The following BMP6 variants were observed in gnomAD, a reference collection of about 807,000 sequenced individuals.
The protein encoded by BMP6 is bone morphogenetic protein 6, also known as VG-1-R.
In BMP6, 17 loss-of-function variants were observed where a neutral mutation model predicts 54.1. The observed-to-expected ratio is 0.31, with a 90% CI of 0.22 to 0.47. The LOEUF is 0.47. BMP6 is among the 20% of genes least tolerant of loss of function. BMP6 has a pLI of 1.00. For synonymous variants in BMP6, 328 were observed against 291.2 expected, an observed-to-expected ratio of 1.13 and a Z score of -1.28; for missense variants, 720 against 690.4, an observed-to-expected ratio of 1.04 and a Z score of -0.48.
At chr6:7,789,298 CTG>C (rs1469272263) in intron 1 of BMP6, among the ~76,000 whole-genome samples, 1 of 152,164 alleles carries the variant, frequency 6.6e-6, no homozygotes, top group Non-Finnish European at 1.5e-5. Context: ...CATATGGAAA[CTG>C]AGGTTCTGGA....
intron 1 of BMP6, among the ~76,000 whole-genome samples, chr6:7,735,557 C>T (rs7760152): frequency 0.024 from 3,606 of 152,186 alleles, 145 homozygotes; most frequent in African/African-American, 0.082. Flanking sequence ...AAGTTAACAA[C>T]GGAGAAGCTG....
intron 1 of BMP6, among the ~76,000 whole-genome samples, chr6:7,798,238 C>T (rs577356365): frequency 6.6e-6 from 1 of 152,332 alleles, no homozygotes; most frequent in South Asian, 2.1e-4. Flanking sequence ...ACAGGGTATA[C>T]CTTTAGGCCA....
intron 4 of BMP6, among the ~76,000 whole-genome samples, chr6:7,863,364 T>C (rs1460613785): frequency 6.6e-6 from 1 of 152,200 alleles, no homozygotes; most frequent in Non-Finnish European, 1.5e-5. Flanking sequence ...CTCTCTCTTT[T>C]TCTGTTTTTC....
chr6:7,838,570 C>T (rs1280753550), intron 1 of BMP6, among the ~76,000 whole-genome samples: 1 of 152,174 alleles, frequency 6.6e-6, no homozygotes, highest in Non-Finnish European at 1.5e-5. Context: ...GAACTGGACT[C>T]CAACATCAGA....
At chr6:7,868,159 G>A (rs1476030296) in intron 4 of BMP6, among the ~76,000 whole-genome samples, 1 of 152,116 alleles carries the variant, frequency 6.6e-6, no homozygotes, top group Non-Finnish European at 1.5e-5. Flanking sequence ...CAAGACAAAG[G>A]CTGAAAAGAG....
At chr6:7,821,168 A>T (rs371158336) in intron 1 of BMP6, among the ~76,000 whole-genome samples, 2 of 152,338 alleles carry the variant, frequency 1.3e-5, no homozygotes, top group South Asian at 2.1e-4. Context: ...CTTGAGCTGA[A>T]TATGACACCA....
chr6:7,767,871 G>T (rs1389999962), intron 1 of BMP6, among the ~76,000 whole-genome samples: 1 of 152,194 alleles, frequency 6.6e-6, no homozygotes, highest in Non-Finnish European at 1.5e-5. Context: ...GGCCTTTGGT[G>T]AAGTGGAGGT....
At position 7,874,938 on chromosome 6, in the gene BMP6, T is replaced by C. The variant is rs555724181; in HGVS notation, c.1205-4136T>C. Among the ~76,000 whole-genome samples, 1,197 of 152,052 alleles carry C rather than the reference T, an allele frequency of 7.9e-3. 18 individuals carry two copies. Among genetic ancestry groups the C allele is most frequent in the African/African-American group, 0.027 (1,125 of 41,466 alleles). On this transcript the variant is annotated intron_variant, in intron 4 of 6. Coordinates refer to ENST00000283147, the MANE Select transcript of BMP6 (RefSeq NM_001718.6). ...AATAGGATATATGGAGATATATATA[T>C]ATATAGGAGGAGATTTATTATGGGA...
chr6:7,857,936 C>A (rs1166307007), intron 2 of BMP6, among the ~76,000 whole-genome samples: 1 of 152,306 alleles, frequency 6.6e-6, no homozygotes, highest in East Asian at 1.9e-4. Flanking sequence ...GCAGCATATT[C>A]TGCTTGGAAG....
intron 1 of BMP6, among the ~76,000 whole-genome samples, chr6:7,730,161 T>C (rs1350283082): frequency 1.3e-5 from 2 of 152,230 alleles, no homozygotes; most frequent in African/African-American, 2.4e-5. Context: ...CCTTATTCCT[T>C]GCTTCTCTGA....
At chr6:7,855,733 T>C (rs1759218925) in intron 2 of BMP6, among the ~76,000 whole-genome samples, 1 of 151,842 alleles carries the variant, frequency 6.6e-6, no homozygotes, top group Non-Finnish European at 1.5e-5. Flanking sequence ...TTTGCCATGT[T>C]GCCCAGTCTG....
At chr6:7,816,805 A>T (rs1048408005) in intron 1 of BMP6, among the ~76,000 whole-genome samples, 17 of 151,268 alleles carry the variant, frequency 1.1e-4, no homozygotes, top group African/African-American at 3.4e-4. Flanking sequence ...ATATTAGATT[A>T]AAAAAAAACA....
At chr6:7,822,566 G>T (rs1463873052) in intron 1 of BMP6, among the ~76,000 whole-genome samples, 1 of 152,056 alleles carries the variant, frequency 6.6e-6, no homozygotes, top group South Asian at 2.1e-4. Context: ...TCTATCCTGG[G>T]AGCGTGTGTA....
chr6:7,777,651 T>C (rs1161624938), intron 1 of BMP6, among the ~76,000 whole-genome samples: 1 of 144,050 alleles, frequency 6.9e-6, no homozygotes, highest in Non-Finnish European at 1.5e-5. Flanking sequence ...ATAAACCAAA[T>C]GAAGACCTCT....
In BMP6 at chr6:7,880,781, G is replaced by A. The variant is rs1176484422; in HGVS notation, c.*438G>A. The A allele has an allele frequency of 1.5e-5, 3 of 194,182 alleles. No homozygotes were observed. Among genetic ancestry groups the A allele is most frequent in the Non-Finnish European group, 3.2e-5 (3 of 92,504 alleles). The allele number at this position is 194,182 out of a possible 1,614,324, so 12.0% of individuals were successfully genotyped here. A position where few individuals can be genotyped will look rare whatever the true frequency, so the allele number is the denominator to read the frequency against. On this transcript the variant is annotated 3_prime_UTR_variant, in exon 7 of 7. Transcript: ENST00000283147. ...CTGTCTATCAAAGGTAGATTTTACAGAGAACAGAAATCGGGGAAGTGGGGG... is the reference window on the plus strand; with the variant it reads ...CTGTCTATCAAAGGTAGATTTTACAAAGAACAGAAATCGGGGAAGTGGGGG...
intron 2 of BMP6, among the ~76,000 whole-genome samples, chr6:7,849,544 A>G (rs914928330): frequency 2.0e-5 from 3 of 152,148 alleles, no homozygotes; most frequent in African/African-American, 7.2e-5. Flanking sequence ...TTTTCACAAC[A>G]TGCACTCATG....
chr6:7,777,862 A>C (rs1260458089), intron 1 of BMP6, among the ~76,000 whole-genome samples: 1 of 152,030 alleles, frequency 6.6e-6, no homozygotes, highest in Non-Finnish European at 1.5e-5. Flanking sequence ...CAAGCGACAA[A>C]CACTCTTTAG....
At chr6:7,732,188 G>C (rs1440009683) in intron 1 of BMP6, among the ~76,000 whole-genome samples, 6 of 152,128 alleles carry the variant, frequency 3.9e-5, no homozygotes, top group Admixed American at 3.9e-4. Flanking sequence ...TTTGTTAGCA[G>C]AAAATAAATC....
At chr6:7,782,306 G>A (rs147096684) in intron 1 of BMP6, among the ~76,000 whole-genome samples, 63 of 152,276 alleles carry the variant, frequency 4.1e-4, no homozygotes, top group Non-Finnish European at 7.8e-4. Context: ...TGAGTTTGAG[G>A]TGTTTTTGAG....
Sources: allele counts gnomAD v4.1 joint callset (sites outside exome capture counted in the v4.1 genomes callset), GRCh38; gene constraint gnomAD v4.1.1; transcripts MANE v1.5; gene names NCBI Gene and HGNC (gene_info 2026-07-23, HGNC 2026-07-21).